Variants in CHAF1B observed in about 807,000 individuals in gnomAD.
The protein encoded by CHAF1B is chromatin assembly factor 1 subunit B.
CHAF1B carries 10 observed loss-of-function variants against 60.7 expected under a neutral mutation model. That is an observed-to-expected ratio of 0.16 (90% CI 0.10 to 0.28). CHAF1B has a LOEUF of 0.28. Among genes scored for constraint, CHAF1B ranks in the 10% least tolerant of loss-of-function variants. The probability of loss-of-function intolerance (pLI) is 1.00; values close to 1 mark genes in which losing one functional copy is unlikely to be tolerated. For missense variants in CHAF1B, 558 were observed against 708.4 expected, an observed-to-expected ratio of 0.79 and a Z score of 2.41; for synonymous variants, 261 against 266.1, an observed-to-expected ratio of 0.98 and a Z score of 0.19.
At chr21:36,389,965 T>G (rs531213370) in intron 3 of CHAF1B, among the ~76,000 whole-genome samples, 1 of 152,162 alleles carries the variant, frequency 6.6e-6, no homozygotes, top group East Asian at 1.9e-4. Flanking sequence ...TGGAGAGTGT[T>G]CATCCATCAG....
chr21:36,395,052 T>G (rs1306813438), intron 5 of CHAF1B, among the ~76,000 whole-genome samples: 3 of 147,536 alleles, frequency 2.0e-5, no homozygotes, highest in Non-Finnish European at 4.5e-5. Flanking sequence ...TAACTTTATT[T>G]TTTATTTTTA....
chr21:36,389,800 T>TGCGTGCGCGCGCGCGCGCGC (rs1555911825), intron 3 of CHAF1B, among the ~76,000 whole-genome samples: 1 of 124,746 alleles, frequency 8.0e-6, no homozygotes, highest in African/African-American at 3.5e-5. Context: ...TGTGTGTGTG[T>TGCGTGCGCGCGCGCGCGCGC]GCGCGCGCAC....
At chr21:36,408,226 A>G (rs2089725409) in intron 8 of CHAF1B, among the ~76,000 whole-genome samples, 2 of 152,138 alleles carry the variant, frequency 1.3e-5, no homozygotes, top group African/African-American at 4.8e-5. Context: ...GAGCTCTCAG[A>G]TGGGGACTGT....
At chr21:36,403,488 T>TACTATTTA (rs2086209940) in intron 8 of CHAF1B, among the ~76,000 whole-genome samples, 1 of 150,158 alleles carries the variant, frequency 6.7e-6, no homozygotes, top group African/African-American at 2.4e-5. Context: ...AAAGAAACTT[T>TACTATTTA]ACTATTTAAA....
Position 36,409,401 on chromosome 21 carries a change from A to G in CHAF1B, c.855A>G (p.Gly285=), listed in dbSNP as rs1177121928. 6.2e-7 allele frequency: 1 copy of G among 1,613,722 alleles called. No homozygotes were observed. Among genetic ancestry groups the G allele is most frequent in the Admixed American group, 1.7e-5 (1 of 59,978 alleles). Residue 285 remains glycine, a synonymous_variant, in exon 10 of 14, where the codon GGA becomes GGG. Transcript: ENST00000314103. ...KRPIAHLPCP[G]KATLAVRCCP... ...CCATCGCTCATCTTCCATGTCCTGG[A>G]AAAGCCACTCTTGCTGTTCGCTGCT...
rs527331698 is a variant in CHAF1B at position 36,418,511 on chromosome 21, T to A, written c.*2145T>A. 1.3e-5 allele frequency: 2 copies of A among 152,358 alleles called. No homozygotes were observed. The highest frequency in any genetic ancestry group is 4.1e-4 in the South Asian group (2 of 4,820). 9.4% of individuals were successfully genotyped at this position (152,358 alleles called of 1,614,324 possible). A position where few individuals can be genotyped will look rare whatever the true frequency, so the allele number is the denominator to read the frequency against. On this transcript the variant is annotated 3_prime_UTR_variant, in exon 14 of 14. Coordinates refer to ENST00000314103, the MANE Select transcript of CHAF1B (RefSeq NM_005441.3). ...CAGATGAATGACCATGGGTCCCCTG[T>A]CCTTATTGAGCAGCCTGCTTCCTGG...
chr21:36,412,295 G>C (rs2086283887), intron 11 of CHAF1B, among the ~76,000 whole-genome samples: 1 of 152,160 alleles, frequency 6.6e-6, no homozygotes, highest in Non-Finnish European at 1.5e-5. Context: ...TGTAGAGGAT[G>C]TCACTCAGCA....
At chr21:36,385,966 C>A in intron 1 of CHAF1B, 94 bp from the exon 2 acceptor site, 1 of 681,710 alleles carries the variant, frequency 1.5e-6, no homozygotes, top group East Asian at 2.7e-5. Flanking sequence ...ACATCCTTTC[C>A]CAATGCAGTG....
intron 11 of CHAF1B, among the ~76,000 whole-genome samples, chr21:36,412,008 G>A (rs997073971): frequency 7.9e-5 from 12 of 152,196 alleles, no homozygotes; most frequent in African/African-American, 1.2e-4. Flanking sequence ...GATTACAGGC[G>A]TGAGCCACCA....
chr21:36,386,144 T>C lies in CHAF1B; in HGVS notation c.8T>C (p.Val3Ala). 5.6e-6 allele frequency: 9 copies of C among 1,614,050 alleles called. No individual in the cohort carries two copies. The highest frequency in any genetic ancestry group is 6.8e-6 in the Non-Finnish European group (8 of 1,179,982). MKVITCEIAWHNK... is the reference protein window; with the variant it reads MKAITCEIAWHNK... ...CCTTCGAGACTCAGGAGGATGAAAG[T>C]CATCACTTGTGAAATAGCCTGGCAC... The change falls in exon 2 of 14, where the codon GTC becomes GCC. Residue 3 changes from valine (V) to alanine (A), a missense_variant. This residue lies in a region of CHAF1B where 325 missense variants were observed against 493.5 expected (regional missense o/e 0.66). Transcript: ENST00000314103.
In CHAF1B at chr21:36,391,642, G is replaced by C. The variant is rs749891968; in HGVS notation, c.351G>C (p.Glu117Asp). ...AGGACGAGGCCCAGCTGAACAAGGA[G>C]AACTGGACGGTTGTGAAGACTCTGC... ...QDEDEAQLNK[E>D]NWTVVKTLRG... Residue 117 changes from glutamate to aspartate, a missense_variant, in exon 4 of 14, where the codon GAG becomes GAC. Transcript: ENST00000314103. 1 of 1,612,934 alleles carries C rather than the reference G, an allele frequency of 6.2e-7. No individual in the cohort carries two copies. Among genetic ancestry groups the C allele is most frequent in the South Asian group, 1.1e-5 (1 of 91,056 alleles).
Position 36,417,106 on chromosome 21 carries a change from C to T in CHAF1B, c.*740C>T, listed in dbSNP as rs2086325258. The T allele has an allele frequency of 6.6e-6, 1 of 152,044 alleles. No homozygotes were observed. The highest frequency in any genetic ancestry group is 6.6e-5 in the Admixed American group (1 of 15,234). The allele number at this position is 152,044 out of a possible 1,614,324, so 9.4% of individuals were successfully genotyped here. A position where few individuals can be genotyped will look rare whatever the true frequency, so the allele number is the denominator to read the frequency against. ...TTGTTTTTTGAGACAGGGTCTTGCTCTGTTGCCCAGGCTGGAGTGCAGTGG... is the reference window on the plus strand; with the variant it reads ...TTGTTTTTTGAGACAGGGTCTTGCTTTGTTGCCCAGGCTGGAGTGCAGTGG... On this transcript the variant is annotated 3_prime_UTR_variant, in exon 14 of 14. Coordinates refer to ENST00000314103, the MANE Select transcript of CHAF1B (RefSeq NM_005441.3).
At chr21:36,392,096 G>T (rs979039639) in intron 4 of CHAF1B, among the ~76,000 whole-genome samples, 1 of 151,544 alleles carries the variant, frequency 6.6e-6, no homozygotes, top group African/African-American at 2.4e-5. Context: ...TTGTGTCCCT[G>T]GGTACTTGAG....
At position 36,386,161 on chromosome 21, in the gene CHAF1B, G is replaced by A. The variant is rs776014948; in HGVS notation, c.25G>A (p.Ala9Thr). Reference sequence around the variant, plus strand: ...GATGAAAGTCATCACTTGTGAAATAGCCTGGCACAACAAGGAGCCCGTGTA... The same window carrying A: ...GATGAAAGTCATCACTTGTGAAATAACCTGGCACAACAAGGAGCCCGTGTA... MKVITCEI[A>T]WHNKEPVYSL... The change falls in exon 2 of 14, where the codon GCC becomes ACC. Residue 9 changes from alanine to threonine, a missense_variant. This residue lies in a region of CHAF1B where 325 missense variants were observed against 493.5 expected (regional missense o/e 0.66). Coordinates refer to ENST00000314103, the MANE Select transcript of CHAF1B (RefSeq NM_005441.3). 6.2e-7 allele frequency: 1 copy of A among 1,614,176 alleles called. No individual in the cohort carries two copies. The highest frequency in any genetic ancestry group is 1.1e-5 in the South Asian group (1 of 91,076).
At chr21:36,412,704 A>C in intron 11 of CHAF1B, 180 bp from the exon 12 acceptor site, 1 of 630,660 alleles carries the variant, frequency 1.6e-6, no homozygotes, top group South Asian at 2.0e-5. Flanking sequence ...GGTTGCAGCG[A>C]CTTAGCAAAT....
chr21:36,389,794 T>TGC (rs1271634709), intron 3 of CHAF1B, among the ~76,000 whole-genome samples: 12 of 124,482 alleles, frequency 9.6e-5, no homozygotes, highest in African/African-American at 4.9e-4. Context: ...TGTGTGTGTG[T>TGC]GTGTGTGCGC....
chr21:36,414,481 C>G (rs2086302589), intron 12 of CHAF1B, among the ~76,000 whole-genome samples: 2 of 152,102 alleles, frequency 1.3e-5, no homozygotes, highest in South Asian at 4.1e-4. Flanking sequence ...GGAAGGTATT[C>G]CTTGAACTAT....
rs564753256 is a variant in CHAF1B, at chr21:36,409,243, C to T, written c.828-131C>T. ...CTTGAACTCCTGACCTCAGGTGATC[C>T]GCCTGCCTCCTCCTCCCAAAGTGCT... On this transcript the variant is annotated intron_variant, in intron 9 of 13. Coordinates refer to ENST00000314103, the MANE Select transcript of CHAF1B (RefSeq NM_005441.3). The T allele has an allele frequency of 2.2e-5, 14 of 626,152 alleles. No homozygotes were observed. The East Asian group carries it at 2.5e-4, about 11-fold the overall frequency. The allele number at this position is 626,152 out of a possible 1,614,324, so 38.8% of individuals were successfully genotyped here. A position where few individuals can be genotyped will look rare whatever the true frequency, so the allele number is the denominator to read the frequency against.
intron 8 of CHAF1B, among the ~76,000 whole-genome samples, chr21:36,403,111 C>T (rs767153141): frequency 2.6e-5 from 4 of 151,976 alleles, no homozygotes; most frequent in Non-Finnish European, 5.9e-5. Flanking sequence ...TTGTAATGTG[C>T]AGAAAAGTTT....
Sources: gnomAD v4.1 joint callset for allele counts (sites outside exome capture counted in the v4.1 genomes callset) on GRCh38, gnomAD v4.1.1 for gene constraint, gnomAD v4.1.1 regional missense constraint, MANE v1.5 for transcripts, NCBI Gene and HGNC (gene_info 2026-07-23, HGNC 2026-07-21) for gene names.